BYSL: variants seen among roughly 807,000 people sequenced by gnomAD.
BYSL encodes bystin.
In BYSL, 21 loss-of-function variants were observed where a neutral mutation model predicts 45.4. The observed-to-expected ratio is 0.46, with a 90% CI of 0.33 to 0.67. BYSL has a LOEUF of 0.67. BYSL is among the 30% of genes least tolerant of loss of function. The pLI is 0.02. For synonymous variants in BYSL, 215 were observed against 231.3 expected, an observed-to-expected ratio of 0.93 and a Z score of 0.64; for missense variants, 522 against 578.5, an observed-to-expected ratio of 0.90 and a Z score of 1.00.
intron 6 of BYSL, 45 bp downstream of exon 6, chr6:41,931,875 G>A (rs1442062761): frequency 9.7e-6 from 15 of 1,549,832 alleles, no homozygotes; most frequent in African/African-American, 9.5e-5. Flanking sequence ...TGGATATCCA[G>A]ATAGTGGAAT....
the BYSL span, among the ~76,000 whole-genome samples, chr6:41,910,389 T>C: frequency 6.6e-6 from 1 of 152,038 alleles, no homozygotes; most frequent in South Asian, 2.1e-4. Flanking sequence ...CCCAACACTT[T>C]GGGAGGCTGA....
rs371519197 is a variant in BYSL, at chr6:41,932,432, A to T, written c.1040A>T (p.Asp347Val). 3.7e-5 allele frequency: 59 copies of T among 1,614,030 alleles called. No individual in the cohort carries two copies. Among genetic ancestry groups the T allele is most frequent in the Non-Finnish European group, 4.6e-5 (54 of 1,180,036 alleles). The change falls in exon 7 of 7, where the codon GAT becomes GTT. Residue 347 changes from aspartate to valine, a missense_variant. Coordinates refer to ENST00000230340, the MANE Select transcript of BYSL (RefSeq NM_004053.4). The surrounding 1 kb of genome is among the most constrained non-coding windows in gnomAD (Gnocchi z 4.7). ...ANSIFLRLLL[D>V]KKYALPYRVL... ...AGCATCTTCCTGCGACTGCTGCTGG[A>T]TAAGAAGTATGCACTGCCTTACCGG...
At chr6:41,918,895 C>T (rs1181468582), upstream of BYSL, among the ~76,000 whole-genome samples, 6 of 144,470 alleles carry the variant, frequency 4.2e-5, no homozygotes, top group African/African-American at 1.6e-4. Context: ...TGCAGTGAGC[C>T]GAGATTGCGC....
At chr6:41,923,158 CAG>C (rs1387812485) in intron 1 of BYSL, among the ~76,000 whole-genome samples, 1 of 150,342 alleles carries the variant, frequency 6.7e-6, no homozygotes, top group African/African-American at 2.5e-5. Flanking sequence ...TTTTTTGAGA[CAG>C]AGTCTCTCTC....
chr6:41,910,980 G>A, the BYSL span, among the ~76,000 whole-genome samples: 3 of 149,978 alleles, frequency 2.0e-5, no homozygotes, highest in Non-Finnish European at 3.0e-5. Flanking sequence ...ATGGTGGCAT[G>A]CGCCTGTAAT....
upstream of BYSL, chr6:41,917,565 TGAG>T (rs1429675547): frequency 5.9e-6 from 2 of 339,486 alleles, no homozygotes; most frequent in African/African-American, 4.3e-5. Flanking sequence ...CCACAGTCCC[TGAG>T]AGCCCCTCTA....
chr6:41,921,098 C>T (rs1483177912), upstream of BYSL: 2 of 1,567,444 alleles, frequency 1.3e-6, no homozygotes, highest in Non-Finnish European at 1.7e-6. Flanking sequence ...TCCTTCAGTT[C>T]CCCAACACAA....
the BYSL span, among the ~76,000 whole-genome samples, chr6:41,912,663 C>T: frequency 6.6e-5 from 10 of 151,992 alleles, no homozygotes; most frequent in Non-Finnish European, 1.3e-4. Context: ...AGACGACAAT[C>T]GTATTTTCTA....
rs1026886059 is a variant in BYSL at position 41,932,357 on chromosome 6, C to G, written c.969-4C>G. 1 of 1,605,986 alleles carries G rather than the reference C, an allele frequency of 6.2e-7. No homozygotes were observed. Among genetic ancestry groups the G allele is most frequent in the African/African-American group, 1.3e-5 (1 of 75,010 alleles). ...TACTCTACCCCACCTCCCTTTCCCA[C>G]TAGTGCGGCCATGCTGAAAATTGCT... On this transcript the variant is annotated splice_region_variant and splice_polypyrimidine_tract_variant and intron_variant, in intron 6 of 6. Coordinates refer to ENST00000230340, the MANE Select transcript of BYSL (RefSeq NM_004053.4). The surrounding 1 kb of genome is among the most constrained non-coding windows in gnomAD (Gnocchi z 4.7).
At chr6:41,920,176 T>C (rs1775423244), upstream of BYSL, among the ~76,000 whole-genome samples, 1 of 152,142 alleles carries the variant, frequency 6.6e-6, no homozygotes, top group Admixed American at 6.5e-5. Flanking sequence ...AAAAACTCCA[T>C]TGAAACTAGA....
chr6:41,932,648 G>A lies in BYSL; in HGVS notation c.1256G>A (p.Arg419His), dbSNP rs367985126. The change falls in exon 7 of 7, where the codon CGT becomes CAT. Residue 419 changes from arginine (R) to histidine (H), a missense_variant. Physicochemically the swap from Arg to His is conservative, Grantham distance 29. Transcript: ENST00000230340. The surrounding 1 kb of genome is among the most constrained non-coding windows in gnomAD (Gnocchi z 4.7). ...CCACAGCTATCGCCCGAAATCAGGCGTGAGCTTCAGAGTGCAGTCCCCCGC... is the reference window on the plus strand; with the variant it reads ...CCACAGCTATCGCCCGAAATCAGGCATGAGCTTCAGAGTGCAGTCCCCCGC... ...PHPQLSPEIR[R>H]ELQSAVPRDV... The A allele has an allele frequency of 3.7e-6, 6 of 1,614,072 alleles. No homozygotes were observed. The highest frequency in any genetic ancestry group is 2.2e-5 in the East Asian group (1 of 44,898).
chr6:41,910,501 G>A, the BYSL span, among the ~76,000 whole-genome samples: 4 of 151,750 alleles, frequency 2.6e-5, no homozygotes, highest in South Asian at 8.3e-4. Context: ...GTGTGGCGGT[G>A]CACGCCTGTA....
In BYSL at chr6:41,932,704, T is replaced by A. The variant is rs1310060436; in HGVS notation, c.1312T>A (p.Ter438ArgextTer22). 1 of 1,603,608 alleles carries A rather than the reference T, an allele frequency of 6.2e-7. No individual in the cohort carries two copies. Among genetic ancestry groups the A allele is most frequent in the East Asian group, 2.2e-5 (1 of 44,644 alleles). ...GGAAGATGTTCCCATCACCGTGGAG[T>A]GAGGAAAACAGTCAGCTGTCCTGGC... ...DVEDVPITVE[*>R] is the part of the protein sequence containing the mutation. The change falls in exon 7 of 7, where the codon TGA (stop) becomes AGA (arginine). Residue 438 changes from the stop codon to arginine, a stop_lost. Coordinates refer to ENST00000230340, the MANE Select transcript of BYSL (RefSeq NM_004053.4). This position sits in a 1 kb window ranked among gnomAD's most constrained non-coding sequence, Gnocchi z 4.7.
At chr6:41,926,696 G>T (rs1048290727) in intron 1 of BYSL, among the ~76,000 whole-genome samples, 2 of 150,758 alleles carry the variant, frequency 1.3e-5, no homozygotes, top group African/African-American at 4.9e-5. Flanking sequence ...TGATCTGCCC[G>T]CCTCGGCCTC....
chr6:41,932,759 C>T lies in BYSL; in HGVS notation c.*53C>T. On this transcript the variant is annotated 3_prime_UTR_variant, in exon 7 of 7. Transcript: ENST00000230340. The surrounding 1 kb of genome is among the most constrained non-coding windows in gnomAD (Gnocchi z 4.7). ...GGGGTTTGGAAGGACACCAAGACCC[C>T]CGTTGGTGACTGAAGATGACACTGA... The T allele has an allele frequency of 6.6e-7, 1 of 1,525,506 alleles. No homozygotes were observed. Among genetic ancestry groups the T allele is most frequent in the Non-Finnish European group, 8.9e-7 (1 of 1,124,398 alleles). 94.5% of individuals were successfully genotyped at this position (1,525,506 alleles called of 1,614,324 possible). A position where few individuals can be genotyped will look rare whatever the true frequency, so the allele number is the denominator to read the frequency against.
the BYSL span, among the ~76,000 whole-genome samples, chr6:41,910,632 C>CA: frequency 0.21 from 27,107 of 128,154 alleles, 2,937 homozygotes; most frequent in East Asian, 0.31. Flanking sequence ...ACTCTATCTC[C>CA]AAAAAAAAAA....
At chr6:41,913,888 A>G in the BYSL span, among the ~76,000 whole-genome samples, 3 of 152,094 alleles carry the variant, frequency 2.0e-5, no homozygotes, top group Non-Finnish European at 4.4e-5. Context: ...ACAAGAACAA[A>G]ACTCCGTCTC....
At chr6:41,923,120 T>C (rs1211242176) in intron 1 of BYSL, among the ~76,000 whole-genome samples, 1 of 140,012 alleles carries the variant, frequency 7.1e-6, no homozygotes, top group Non-Finnish European at 1.5e-5. Context: ...TAGTATCTCA[T>C]ATTCTCCGTT....
intron 2 of BYSL, among the ~76,000 whole-genome samples, chr6:41,929,635 A>G (rs1179452880): frequency 1.3e-5 from 2 of 152,270 alleles, no homozygotes; most frequent in Non-Finnish European, 2.9e-5. Context: ...GGAGGCTGAA[A>G]AGAATATAAT....
Sources: allele counts gnomAD v4.1 joint callset (sites outside exome capture counted in the v4.1 genomes callset), GRCh38; gene constraint gnomAD v4.1.1; non-coding constraint Gnocchi (gnomAD v3.1); transcripts MANE v1.5; gene names NCBI Gene and HGNC (gene_info 2026-07-23, HGNC 2026-07-21).